The following OPN5 variants were observed in gnomAD, a reference collection of about 807,000 sequenced individuals.
OPN5 encodes the protein opsin 5.
OPN5 carries 18 observed loss-of-function variants against 41.7 expected under a neutral mutation model. The observed-to-expected ratio is 0.43, with a 90% confidence interval of 0.30 to 0.64. OPN5 has a LOEUF of 0.64. Ranked by LOEUF, OPN5 falls within the 30% of genes least tolerant of loss-of-function variation. The pLI is 0.13. For synonymous variants in OPN5, 178 were observed against 164.3 expected, an observed-to-expected ratio of 1.08 and a Z score of -0.64; for missense variants, 318 against 434.5, an observed-to-expected ratio of 0.73 and a Z score of 2.38.
chr6:47,802,182 C>T (rs1045828977), intron 4 of OPN5, among the ~76,000 whole-genome samples: 1 of 152,134 alleles, frequency 6.6e-6, no homozygotes, highest in African/African-American at 2.4e-5. Context: ...CACCAGCCCT[C>T]AGTGTGTCCC....
intron 4 of OPN5, among the ~76,000 whole-genome samples, chr6:47,799,052 G>A (rs1259573663): frequency 1.3e-5 from 2 of 152,080 alleles, no homozygotes; most frequent in Non-Finnish European, 2.9e-5. Context: ...CTGCCGGTCT[G>A]ATCTCGTGAA....
chr6:47,820,432 T>C (rs760528228), intron 6 of OPN5, among the ~76,000 whole-genome samples: 10 of 152,222 alleles, frequency 6.6e-5, no homozygotes, highest in Non-Finnish European at 1.3e-4. Context: ...CGATTTATTC[T>C]GTATGTAGAT....
intron 6 of OPN5, among the ~76,000 whole-genome samples, chr6:47,822,832 T>C (rs1004065855): frequency 1.3e-5 from 2 of 152,226 alleles, no homozygotes; most frequent in Non-Finnish European, 2.9e-5. Flanking sequence ...GTTTTTATCC[T>C]CCCACACTTC....
At chr6:47,803,510 G>A (rs923477842) in intron 4 of OPN5, among the ~76,000 whole-genome samples, 14 of 152,100 alleles carry the variant, frequency 9.2e-5, no homozygotes, top group African/African-American at 3.1e-4. Context: ...ATGCATAGAG[G>A]TGATCTCTCC....
intron 1 of OPN5, among the ~76,000 whole-genome samples, chr6:47,785,512 C>G (rs552337286): frequency 6.6e-6 from 1 of 152,132 alleles, no homozygotes; most frequent in Non-Finnish European, 1.5e-5. Flanking sequence ...AAATAGAAAA[C>G]TCTGGGTTTC....
intron 6 of OPN5, among the ~76,000 whole-genome samples, chr6:47,821,975 G>T (rs983497977): frequency 5.3e-5 from 8 of 151,970 alleles, no homozygotes; most frequent in Non-Finnish European, 1.2e-4. Flanking sequence ...AGCTGGGCGC[G>T]GTGGCACGTG....
chr6:47,795,435 C>G, exon 4 of OPN5: 1 of 1,614,110 alleles, frequency 6.2e-7, no homozygotes, highest in South Asian at 1.1e-5. Context: ...CTGCCTCTTG[C>G]TCCCAACGGC....
At chr6:47,815,823 T>C (rs1762413271) in intron 6 of OPN5, among the ~76,000 whole-genome samples, 2 of 152,162 alleles carry the variant, frequency 1.3e-5, no homozygotes, top group Non-Finnish European at 2.9e-5. Context: ...TTTTAAATGA[T>C]TTAACCTTCA....
chr6:47,822,620 A>G (rs1762662939), intron 6 of OPN5, among the ~76,000 whole-genome samples: 1 of 152,228 alleles, frequency 6.6e-6, no homozygotes, highest in African/African-American at 2.4e-5. Flanking sequence ...CTTGAGATGA[A>G]GAGGCTGGTA....
At chr6:47,790,219 A>AT (rs1329726595) in intron 2 of OPN5, among the ~76,000 whole-genome samples, 1 of 152,308 alleles carries the variant, frequency 6.6e-6, no homozygotes, top group East Asian at 1.9e-4. Context: ...TTCCTAAACA[A>AT]TTTTTTTAAA....
At chr6:47,817,246 G>A (rs971576441) in intron 6 of OPN5, among the ~76,000 whole-genome samples, 1 of 152,036 alleles carries the variant, frequency 6.6e-6, no homozygotes, top group Non-Finnish European at 1.5e-5. Flanking sequence ...TGAAAGGGTT[G>A]AGATATTCAG....
intron 3 of OPN5, among the ~76,000 whole-genome samples, chr6:47,794,590 T>C (rs1377027728): frequency 6.6e-6 from 1 of 152,220 alleles, no homozygotes; most frequent in Non-Finnish European, 1.5e-5. Context: ...CAGAATTACT[T>C]TGCAGAACAT....
intron 2 of OPN5, among the ~76,000 whole-genome samples, chr6:47,790,584 A>G (rs926964439): frequency 1.3e-5 from 2 of 152,210 alleles, no homozygotes; most frequent in Non-Finnish European, 2.9e-5. Context: ...TTATTCATTG[A>G]TAGTAACAAG....
chr6:47,806,758 G>T (rs1773982307), intron 4 of OPN5, among the ~76,000 whole-genome samples: 1 of 152,078 alleles, frequency 6.6e-6, no homozygotes, highest in Non-Finnish European at 1.5e-5. Flanking sequence ...ACAGTGAATT[G>T]CTCACTGGTT....
downstream of OPN5, chr6:47,826,226 C>T (rs1020922330): frequency 6.6e-6 from 1 of 152,064 alleles, no homozygotes; most frequent in East Asian, 1.9e-4. Context: ...CTTTCCTTCC[C>T]CATCTCTCCC....
chr6:47,807,475 A>G (rs1774018337), intron 4 of OPN5, among the ~76,000 whole-genome samples: 1 of 152,212 alleles, frequency 6.6e-6, no homozygotes, highest in South Asian at 2.1e-4. Context: ...TTAAAACCCT[A>G]TCGCTAATTA....
intron 2 of OPN5, 132 bp downstream of exon 2, chr6:47,786,766 A>T: frequency 1.3e-6 from 1 of 746,716 alleles, no homozygotes. Context: ...TCACAAATCA[A>T]CTTTCAGAGT....
Position 47,788,813 on chromosome 6 carries a change from G to GC in OPN5, c.250+2179_250+2180insC, listed in dbSNP as rs146390790. Among the ~76,000 whole-genome samples, 126 of 147,040 alleles carry GC rather than the reference G, an allele frequency of 8.6e-4. 1 individual carries two copies. Among genetic ancestry groups the GC allele is most frequent in the African/African-American group, 3.1e-3 (123 of 39,888 alleles). On this transcript the variant is annotated intron_variant, in intron 2 of 6. Coordinates refer to ENST00000371211, the Ensembl canonical transcript of OPN5. The stretch of plus-strand genomic sequence containing the variant: ...GTTATATTAGGATAACCTGGGGGGG[G>GC]GCGGTGGTGGTGTTAAAAATATGTA...
chr6:47,802,361 C>T (rs1773808796), intron 4 of OPN5, among the ~76,000 whole-genome samples: 1 of 152,072 alleles, frequency 6.6e-6, no homozygotes, highest in South Asian at 2.1e-4. Context: ...TTTGTGTTAA[C>T]CAGTATCCTT....
Sources: gnomAD v4.1 joint callset for allele counts (sites outside exome capture counted in the v4.1 genomes callset) on GRCh38, gnomAD v4.1.1 for gene constraint, MANE v1.5 for transcripts, NCBI Gene and HGNC (gene_info 2026-07-23, HGNC 2026-07-21) for gene names.